The following EVI5 variants were observed in gnomAD, a reference collection of about 807,000 sequenced individuals.
EVI5 encodes the protein ecotropic viral integration site 5.
EVI5 carries 73 observed loss-of-function variants against 112.0 expected under a neutral mutation model. The observed-to-expected ratio is 0.65, with a 90% confidence interval of 0.54 to 0.79. The LOEUF (loss-of-function observed/expected upper bound fraction) is 0.79, where lower values mean the gene tolerates loss of function less well. EVI5 is among the 30% of genes least tolerant of loss of function. EVI5 has a pLI of 0.00. For synonymous variants in EVI5, 305 were observed against 319.9 expected, an observed-to-expected ratio of 0.95 and a Z score of 0.50; for missense variants, 900 against 968.8, an observed-to-expected ratio of 0.93 and a Z score of 0.94.
In EVI5 at chr1:92,680,274, G is replaced by A. The variant is rs551719402; in HGVS notation, c.1098-3056C>T. On this transcript the variant is annotated intron_variant, in intron 9 of 19. Transcript: ENST00000684568. ...CTGCGCAGGAGCCAAGAAGGTATAA[G>A]TTGAACCTGGAATATTTTGTTGCCC... Among the ~76,000 whole-genome samples, 51 of 152,302 alleles carry A rather than the reference G, an allele frequency of 3.3e-4. 1 individual carries two copies. In the South Asian group the frequency reaches 8.1e-3, roughly 24 times the overall value.
Position 92,750,926 on chromosome 1 carries a change from G to A in EVI5, c.-81-14299C>T, listed in dbSNP as rs144889556. On this transcript the variant is annotated intron_variant, in intron 1 of 19. Coordinates refer to ENST00000684568, the MANE Select transcript of EVI5 (RefSeq NM_001350197.2). Reference sequence around the variant, plus strand: ...AGCACTTTGGGAGGCCGAGGCGGGCGGATCATGAGGTCAGGAGATCGAGAC... The same window carrying A: ...AGCACTTTGGGAGGCCGAGGCGGGCAGATCATGAGGTCAGGAGATCGAGAC... Among the ~76,000 whole-genome samples the A allele has an allele frequency of 2.3e-3, 348 of 152,216 alleles. 4 individuals are homozygous for A. The highest frequency in any genetic ancestry group is 6.4e-3 in the African/African-American group (264 of 41,534).
At chr1:92,646,592 C>T (rs991047190) in intron 13 of EVI5, among the ~76,000 whole-genome samples, 2 of 152,180 alleles carry the variant, frequency 1.3e-5, no homozygotes, top group South Asian at 2.1e-4. Context: ...CGCCAAGAAA[C>T]GAGCACCAAG....
intron 14 of EVI5, among the ~76,000 whole-genome samples, chr1:92,630,585 T>G (rs1175865442): frequency 1.3e-5 from 2 of 152,124 alleles, no homozygotes; most frequent in South Asian, 4.1e-4. Context: ...GTCAGATAAG[T>G]AGATTGCAAA....
At chr1:92,531,256 C>G (rs199656981) in intron 19 of EVI5, among the ~76,000 whole-genome samples, 2 of 24,610 alleles carry the variant, frequency 8.1e-5, no homozygotes, top group Non-Finnish European at 2.1e-4. Context: ...TGAAAAGAAA[C>G]AAACAAAGCC....
chr1:92,626,338 T>C (rs952641918), intron 14 of EVI5, among the ~76,000 whole-genome samples: 2 of 152,190 alleles, frequency 1.3e-5, no homozygotes, highest in African/African-American at 4.8e-5. Flanking sequence ...TTACTTCACT[T>C]AGAACAATGT....
chr1:92,768,701 C>A (rs1558231420), intron 1 of EVI5, among the ~76,000 whole-genome samples: 1 of 152,026 alleles, frequency 6.6e-6, no homozygotes. Flanking sequence ...AAGATGAAGC[C>A]CCATCTCTAC....
chr1:92,582,265 G>C (rs1672059787), intron 18 of EVI5, among the ~76,000 whole-genome samples: 2 of 152,210 alleles, frequency 1.3e-5, no homozygotes, highest in African/African-American at 4.8e-5. Flanking sequence ...ATGGGACCCA[G>C]ATGATATATG....
At chr1:92,602,274 T>C (rs1319769098) in intron 18 of EVI5, among the ~76,000 whole-genome samples, 7 of 152,166 alleles carry the variant, frequency 4.6e-5, no homozygotes, top group African/African-American at 1.2e-4. Flanking sequence ...TACAATATAA[T>C]TAAAGACTTT....
chr1:92,522,809 G>T (rs1413400591), intron 19 of EVI5, among the ~76,000 whole-genome samples: 1 of 152,070 alleles, frequency 6.6e-6, no homozygotes, highest in African/African-American at 2.4e-5. Context: ...CTAGGCTAGA[G>T]TGCAAGGACA....
chr1:92,585,434 C>T (rs1322121554), intron 18 of EVI5, among the ~76,000 whole-genome samples: 5 of 152,058 alleles, frequency 3.3e-5, no homozygotes, highest in Non-Finnish European at 7.4e-5. Flanking sequence ...AGCTGTAGTA[C>T]GCTGTGATTG....
chr1:92,721,811 A>C (rs920331513), intron 2 of EVI5, among the ~76,000 whole-genome samples: 3 of 152,304 alleles, frequency 2.0e-5, no homozygotes, highest in Middle Eastern at 6.8e-3. Context: ...TACCTACAAC[A>C]ATTTTAATAT....
intron 19 of EVI5, among the ~76,000 whole-genome samples, chr1:92,536,215 T>C (rs1388811598): frequency 6.6e-6 from 1 of 152,224 alleles, no homozygotes; most frequent in East Asian, 1.9e-4. Flanking sequence ...AACTTTGCAT[T>C]ATCAATAAAG....
At chr1:92,757,042 TAA>T in intron 1 of EVI5, 1 of 197,386 alleles carries the variant, frequency 5.1e-6, no homozygotes, top group African/African-American at 2.3e-5. Flanking sequence ...CATTCAAAAG[TAA>T]AGAGATCCAA....
intron 1 of EVI5, among the ~76,000 whole-genome samples, chr1:92,781,833 T>C (rs1261745424): frequency 6.6e-6 from 1 of 151,670 alleles, no homozygotes; most frequent in Non-Finnish European, 1.5e-5. Context: ...TGCTCATCTG[T>C]AGTTCCAGCT....
chr1:92,740,127 A>G (rs1678127911), intron 1 of EVI5, among the ~76,000 whole-genome samples: 1 of 152,170 alleles, frequency 6.6e-6, no homozygotes, highest in Non-Finnish European at 1.5e-5. Flanking sequence ...ATACTTTTTC[A>G]TATCTGTTTA....
At chr1:92,766,676 T>A (rs1401669465) in intron 1 of EVI5, among the ~76,000 whole-genome samples, 1 of 152,228 alleles carries the variant, frequency 6.6e-6, no homozygotes, top group East Asian at 1.9e-4. Flanking sequence ...TTACTTTAAC[T>A]ACACAGGTAC....
At chr1:92,535,467 A>G (rs972389612) in intron 19 of EVI5, among the ~76,000 whole-genome samples, 1 of 152,236 alleles carries the variant, frequency 6.6e-6, no homozygotes, top group Non-Finnish European at 1.5e-5. Flanking sequence ...ACACATGTTT[A>G]CTGCGGCACT....
At chr1:92,751,629 TGA>T (rs1237800783) in intron 1 of EVI5, among the ~76,000 whole-genome samples, 2 of 152,202 alleles carry the variant, frequency 1.3e-5, no homozygotes, top group Non-Finnish European at 2.9e-5. Context: ...AGGGGTTGCA[TGA>T]GAGGTGAGTT....
chr1:92,738,481 C>T (rs1262247366), intron 1 of EVI5, among the ~76,000 whole-genome samples: 1 of 152,084 alleles, frequency 6.6e-6, no homozygotes, highest in African/African-American at 2.4e-5. Flanking sequence ...TTAAACTCCC[C>T]TACTCAGTAA....
Sources: allele counts gnomAD v4.1 joint callset (sites outside exome capture counted in the v4.1 genomes callset), GRCh38; gene constraint gnomAD v4.1.1; transcripts MANE v1.5; gene names NCBI Gene and HGNC (gene_info 2026-07-23, HGNC 2026-07-21).